ADAMTS19: variants seen among roughly 807,000 people sequenced by gnomAD.
The protein encoded by ADAMTS19 is A disintegrin and metalloproteinase with thrombospondin motifs 19.
ADAMTS19 carries 93 observed loss-of-function variants against 153.3 expected under a neutral mutation model. The ratio of observed to expected loss-of-function variants is 0.61; its 90% CI spans 0.51 to 0.72. The LOEUF is 0.72. ADAMTS19 is among the 30% of genes least tolerant of loss of function. The pLI is 0.00. For missense variants in ADAMTS19, 1,482 were observed against 1,552.1 expected, an observed-to-expected ratio of 0.95 and a Z score of 0.76; for synonymous variants, 600 against 556.6, an observed-to-expected ratio of 1.08 and a Z score of -1.10.
At chr5:129,536,532 T>C (rs2126787914) in intron 6 of ADAMTS19, among the ~76,000 whole-genome samples, 1 of 152,280 alleles carries the variant, frequency 6.6e-6, no homozygotes, top group East Asian at 1.9e-4. Context: ...GAACTAGAAA[T>C]AACATTTGAA....
intron 6 of ADAMTS19, among the ~76,000 whole-genome samples, chr5:129,540,680 T>G (rs565972667): frequency 1.6e-4 from 24 of 152,216 alleles, no homozygotes; most frequent in Non-Finnish European, 3.1e-4. Context: ...CAGAATAATT[T>G]TTGAATGAAT....
chr5:129,483,653 G>A (rs370785153), intron 2 of ADAMTS19, among the ~76,000 whole-genome samples: 14 of 152,236 alleles, frequency 9.2e-5, no homozygotes, highest in Admixed American at 7.2e-4. Context: ...ACATGAAAGT[G>A]GACATAGGCA....
chr5:129,583,647 T>G (rs1375038374), intron 7 of ADAMTS19, among the ~76,000 whole-genome samples: 2 of 151,882 alleles, frequency 1.3e-5, no homozygotes, highest in Non-Finnish European at 2.9e-5. Flanking sequence ...CTTTGTGCTT[T>G]ATTTCATTAA....
intron 6 of ADAMTS19, among the ~76,000 whole-genome samples, chr5:129,539,555 C>T (rs777300059): frequency 3.3e-5 from 5 of 152,014 alleles, no homozygotes; most frequent in African/African-American, 4.8e-5. Context: ...TAGCAGCAAT[C>T]GGAAACTGAT....
At chr5:129,491,085 T>A (rs1750754017) in intron 2 of ADAMTS19, among the ~76,000 whole-genome samples, 1 of 152,108 alleles carries the variant, frequency 6.6e-6, no homozygotes. Context: ...CACTGCAAGC[T>A]CCACCTCCCA....
chr5:129,594,619 T>A (rs1414057500), intron 7 of ADAMTS19, among the ~76,000 whole-genome samples: 2 of 152,158 alleles, frequency 1.3e-5, no homozygotes, highest in African/African-American at 2.4e-5. Context: ...TTGATTATAA[T>A]GCAAAATTAA....
At chr5:129,468,200 G>A (rs1474164424) in intron 2 of ADAMTS19, among the ~76,000 whole-genome samples, 1 of 152,182 alleles carries the variant, frequency 6.6e-6, no homozygotes, top group Non-Finnish European at 1.5e-5. Flanking sequence ...GTAATTCGGA[G>A]AGAGATTGCT....
intron 3 of ADAMTS19, among the ~76,000 whole-genome samples, chr5:129,511,932 G>A (rs1298750825): frequency 2.0e-5 from 3 of 151,914 alleles, no homozygotes; most frequent in Non-Finnish European, 2.9e-5. Context: ...ACATGTTAAT[G>A]GGTCAAGAAC....
intron 21 of ADAMTS19, among the ~76,000 whole-genome samples, chr5:129,711,772 G>T (rs938396309): frequency 1.3e-5 from 2 of 152,126 alleles, no homozygotes; most frequent in African/African-American, 4.8e-5. Context: ...TATGAAAAAT[G>T]CTGGTGTTAA....
At chr5:129,694,931 C>A in intron 19 of ADAMTS19, 76 bp downstream of exon 19, 3 of 1,308,340 alleles carry the variant, frequency 2.3e-6, no homozygotes, top group South Asian at 4.4e-5. Context: ...CTCAGAATAT[C>A]ATTGAAATCA....
chr5:129,464,253 T>C (rs1749783234), intron 2 of ADAMTS19, among the ~76,000 whole-genome samples: 1 of 152,200 alleles, frequency 6.6e-6, no homozygotes, highest in Admixed American at 6.5e-5. Context: ...AATATGGGCT[T>C]TTTCTAACTG....
At chr5:129,519,611 A>G (rs947543716) in intron 3 of ADAMTS19, among the ~76,000 whole-genome samples, 2 of 151,468 alleles carry the variant, frequency 1.3e-5, no homozygotes, top group African/African-American at 4.9e-5. Context: ...CTCAGTATCA[A>G]GGTTTATAGG....
intron 7 of ADAMTS19, among the ~76,000 whole-genome samples, chr5:129,563,248 G>C (rs962487150): frequency 6.6e-6 from 1 of 151,666 alleles, no homozygotes; most frequent in African/African-American, 2.4e-5. Context: ...CAACCATAGA[G>C]AATTTCAGGG....
intron 3 of ADAMTS19, among the ~76,000 whole-genome samples, chr5:129,524,486 T>C (rs142891261): frequency 8.5e-4 from 129 of 151,880 alleles, no homozygotes; most frequent in African/African-American, 3.0e-3. Flanking sequence ...AGCTTCTGCA[T>C]AGCAAAAGAA....
intron 21 of ADAMTS19, among the ~76,000 whole-genome samples, chr5:129,720,621 G>A (rs1561669390): frequency 1.3e-5 from 2 of 152,246 alleles, no homozygotes; most frequent in East Asian, 3.9e-4. Context: ...GCTGCTTGCT[G>A]GATAGCAACA....
chr5:129,672,212 T>G (rs560162305), intron 16 of ADAMTS19, among the ~76,000 whole-genome samples: 45 of 152,124 alleles, frequency 3.0e-4, no homozygotes, highest in Non-Finnish European at 5.1e-4. Flanking sequence ...ATCCCATTCA[T>G]GAAAACTTCA....
chr5:129,675,679 C>A (rs1296810044), intron 16 of ADAMTS19, among the ~76,000 whole-genome samples: 1 of 151,970 alleles, frequency 6.6e-6, no homozygotes, highest in Non-Finnish European at 1.5e-5. Flanking sequence ...CATTACTCTT[C>A]AATATTACAT....
intron 11 of ADAMTS19, 32 bp downstream of exon 11, chr5:129,641,992 G>T: frequency 7.3e-7 from 1 of 1,370,222 alleles, no homozygotes; most frequent in Non-Finnish European, 1.0e-6. Flanking sequence ...AATTTAATGA[G>T]CATACTAGAT....
intron 15 of ADAMTS19, among the ~76,000 whole-genome samples, chr5:129,665,037 G>C (rs1753979858): frequency 1.3e-5 from 2 of 152,050 alleles, no homozygotes; most frequent in African/African-American, 4.8e-5. Flanking sequence ...TTGGTCTCTA[G>C]TGTCCTATAC....
Sources: gnomAD v4.1 joint callset for allele counts (sites outside exome capture counted in the v4.1 genomes callset) on GRCh38, gnomAD v4.1.1 for gene constraint, MANE v1.5 for transcripts, NCBI Gene and HGNC (gene_info 2026-07-23, HGNC 2026-07-21) for gene names.